NEK10: variants seen among roughly 807,000 people sequenced by gnomAD.
NEK10 encodes the protein NIMA related kinase 10.
NEK10 carries 122 observed loss-of-function variants against 159.8 expected under a neutral mutation model. That is an observed-to-expected ratio of 0.76 (90% CI 0.66 to 0.89). The LOEUF (loss-of-function observed/expected upper bound fraction) is 0.89, where lower values mean the gene tolerates loss of function less well. NEK10 is among the 40% of genes least tolerant of loss of function. The probability of loss-of-function intolerance (pLI) is 0.00; values close to 1 mark genes in which losing one functional copy is unlikely to be tolerated. For synonymous variants in NEK10, 466 were observed against 457.1 expected (o/e 1.02, Z -0.25); for missense variants, 1,342 against 1,323.1 (o/e 1.01, Z -0.22).
At chr3:27,166,155 A>G (rs1048408776) in intron 29 of NEK10, among the ~76,000 whole-genome samples, 1 of 152,234 alleles carries the variant, frequency 6.6e-6, no homozygotes, top group Non-Finnish European at 1.5e-5. Flanking sequence ...TCTTTCAGGC[A>G]GTGACATTCA....
At chr3:27,246,629 A>C (rs181615468) in intron 23 of NEK10, among the ~76,000 whole-genome samples, 1 of 152,242 alleles carries the variant, frequency 6.6e-6, no homozygotes, top group East Asian at 1.9e-4. Context: ...TGTGCTATCA[A>C]ATATTAGCTC....
chr3:27,327,648 A>T (rs1174860679), intron 5 of NEK10, among the ~76,000 whole-genome samples: 3 of 152,248 alleles, frequency 2.0e-5, no homozygotes, highest in Non-Finnish European at 4.4e-5. Flanking sequence ...AAGCTGTGCT[A>T]TTATAATGAA....
In NEK10 at chr3:27,304,799, C is replaced by G. The variant is rs374741552; in HGVS notation, c.976G>C (p.Val326Leu). Residue 326 changes from valine (V) to leucine (L), a missense_variant, in exon 12 of 36, where the codon GTG becomes CTG. Transcript: ENST00000691995. The stretch of plus-strand genomic sequence containing the variant: ...ATGCCTCCCCAAATGCGAATTTCCA[C>G]GCTGGTCTCAGGGTCCTCACAAACC... ...VQVCEDPETS[V>L]EIRIWGGIKQ... 3 of 1,613,922 alleles carry G rather than the reference C, an allele frequency of 1.9e-6. No homozygotes were observed. The highest frequency in any genetic ancestry group is 2.2e-5 in the South Asian group (2 of 91,070).
At chr3:27,177,587 A>T (rs974755087) in intron 26 of NEK10, among the ~76,000 whole-genome samples, 1 of 151,972 alleles carries the variant, frequency 6.6e-6, no homozygotes, top group African/African-American at 2.4e-5. Flanking sequence ...AATCCCTTGC[A>T]GCAGTTTTTG....
Position 27,119,955 on chromosome 3 carries a change from A to G in NEK10, c.3082-87T>C, listed in dbSNP as rs966061597. ...TCTGTGTGGGGTTTTTCATTTCCCT[A>G]TGTCTCTGCACAGAAAATTTAGTGT... On this transcript the variant is annotated intron_variant, in intron 32 of 35. Coordinates refer to ENST00000691995, the MANE Select transcript of NEK10 (RefSeq NM_001394966.1). The G allele has an allele frequency of 1.2e-5, 11 of 904,204 alleles. No individual in the cohort carries two copies. In the Middle Eastern group the frequency reaches 1.5e-3, roughly 123 times the overall value. 56.0% of individuals were successfully genotyped at this position (904,204 alleles called of 1,614,324 possible).
chr3:27,336,646 A>G (rs775252472), intron 5 of NEK10, among the ~76,000 whole-genome samples: 3 of 152,212 alleles, frequency 2.0e-5, no homozygotes, highest in African/African-American at 4.8e-5. Flanking sequence ...AAGATAATAC[A>G]TTATGACCAA....
At chr3:27,278,248 T>TAAC (rs1477310375) in intron 22 of NEK10, among the ~76,000 whole-genome samples, 2 of 152,232 alleles carry the variant, frequency 1.3e-5, no homozygotes, top group Non-Finnish European at 2.9e-5. Flanking sequence ...TTACAGTATT[T>TAAC]TGCATATACA....
rs1222525138 is a variant in NEK10, at chr3:27,213,126, A to G, written c.2091-10569T>C. ...CCTGTAACAGGGCTCTTGAGCCCCTATGCTCAACCCACTCCCACCTGTGAA... is the reference window on the plus strand; with the variant it reads ...CCTGTAACAGGGCTCTTGAGCCCCTGTGCTCAACCCACTCCCACCTGTGAA... On this transcript the variant is annotated intron_variant, in intron 23 of 35. Transcript: ENST00000691995. 2.0e-5 allele frequency among the ~76,000 whole-genome samples: 3 copies of G among 152,228 alleles called. No homozygotes were observed. In the East Asian group the frequency reaches 5.8e-4, roughly 29 times the overall value.
chr3:27,309,118 C>T, intron 9 of NEK10, 113 bp from the exon 10 acceptor site: 2 of 588,096 alleles, frequency 3.4e-6, no homozygotes, highest in Non-Finnish European at 6.1e-6. Flanking sequence ...AAAATGCTTC[C>T]CTCTTAAGAT....
At chr3:27,198,872 C>G (rs183514069) in intron 25 of NEK10, among the ~76,000 whole-genome samples, 1 of 141,608 alleles carries the variant, frequency 7.1e-6, no homozygotes, top group Admixed American at 6.9e-5. Flanking sequence ...GAGATAGAGA[C>G]CATCCTGGCT....
intron 23 of NEK10, among the ~76,000 whole-genome samples, chr3:27,254,918 TACACACACACAC>T (rs3035705): frequency 7.1e-6 from 1 of 141,796 alleles, no homozygotes; most frequent in Non-Finnish European, 1.6e-5. Context: ...CTCTTTCTCT[TACACACACACAC>T]ACACACACAC....
At chr3:27,296,040 A>G (rs115523437) in intron 14 of NEK10, among the ~76,000 whole-genome samples, 20 of 152,314 alleles carry the variant, frequency 1.3e-4, no homozygotes, top group African/African-American at 4.6e-4. Context: ...ATTTATTTAT[A>G]TCCTTAATTA....
chr3:27,149,621 T>G (rs376753200), intron 30 of NEK10, among the ~76,000 whole-genome samples: 20 of 152,272 alleles, frequency 1.3e-4, no homozygotes, highest in African/African-American at 4.6e-4. Flanking sequence ...GGATGGATGT[T>G]GTGTGTACTC....
intron 32 of NEK10, among the ~76,000 whole-genome samples, chr3:27,127,006 A>C (rs1375865310): frequency 1.5e-5 from 2 of 132,174 alleles, no homozygotes; most frequent in African/African-American, 8.8e-5. Flanking sequence ...GAATACACTA[A>C]AACAAACAAA....
chr3:27,151,173 C>T (rs1206848157), intron 30 of NEK10, among the ~76,000 whole-genome samples: 1 of 152,142 alleles, frequency 6.6e-6, no homozygotes, highest in East Asian at 1.9e-4. Flanking sequence ...CTTTGGAAAA[C>T]ACCACCTCCC....
chr3:27,312,446 CTAAG>C (rs1429685189), intron 7 of NEK10, among the ~76,000 whole-genome samples: 19 of 152,102 alleles, frequency 1.2e-4, no homozygotes, highest in Admixed American at 5.9e-4. Context: ...TGACTCTTAA[CTAAG>C]TAAGTTTGTT....
chr3:27,149,949 A>G (rs1228743790), intron 30 of NEK10, among the ~76,000 whole-genome samples: 1 of 152,230 alleles, frequency 6.6e-6, no homozygotes, highest in African/African-American at 2.4e-5. Flanking sequence ...ACACATGAAT[A>G]ATAACAATGA....
chr3:27,217,352 C>T (rs901158052), intron 23 of NEK10, among the ~76,000 whole-genome samples: 1 of 152,188 alleles, frequency 6.6e-6, no homozygotes, highest in African/African-American at 2.4e-5. Flanking sequence ...ATAGAAGAGG[C>T]ATGACTGTGG....
intron 3 of NEK10, among the ~76,000 whole-genome samples, chr3:27,350,586 T>C (rs2047897688): frequency 6.6e-6 from 1 of 152,164 alleles, no homozygotes; most frequent in South Asian, 2.1e-4. Flanking sequence ...TAGCACCATC[T>C]ATTTTCTGAA....
Sources: allele counts gnomAD v4.1 joint callset (sites outside exome capture counted in the v4.1 genomes callset), GRCh38; gene constraint gnomAD v4.1.1; transcripts MANE v1.5; gene names NCBI Gene and HGNC (gene_info 2026-07-23, HGNC 2026-07-21).